The following NCAPD3 variants were observed in gnomAD, a reference collection of about 807,000 sequenced individuals.
The protein encoded by NCAPD3 is non-SMC condensin II complex subunit D3.
In NCAPD3, 105 loss-of-function variants were observed where a neutral mutation model predicts 182.9. The ratio of observed to expected loss-of-function variants is 0.57; its 90% CI spans 0.49 to 0.68. The LOEUF (loss-of-function observed/expected upper bound fraction) is 0.68. Among genes scored for constraint, NCAPD3 ranks in the 30% least tolerant of loss-of-function variants. NCAPD3 has a pLI of 0.00. For synonymous variants in NCAPD3, 815 were observed against 679.9 expected (o/e 1.20, Z -3.09); for missense variants, 1,944 against 1,837.0 (o/e 1.06, Z -1.07).
Position 134,209,041 on chromosome 11 carries a change from T to C in NCAPD3, c.795-90A>G. 9.6e-6 allele frequency: 14 copies of C among 1,452,062 alleles called. No individual in the cohort carries two copies. In the South Asian group the frequency reaches 1.2e-4, roughly 12 times the overall value. 89.9% of individuals were successfully genotyped at this position (1,452,062 alleles called of 1,614,324 possible). On this transcript the variant is annotated intron_variant, in intron 6 of 34. Transcript: ENST00000534548. ...ACAAGCCATGTTTAAATGAATAAATTCTACCTGTGTGCCAATTGGGATAAA... is the reference window on the plus strand; with the variant it reads ...ACAAGCCATGTTTAAATGAATAAATCCTACCTGTGTGCCAATTGGGATAAA...
chr11:134,168,606 T>A lies in NCAPD3; in HGVS notation c.3240-4A>T. On this transcript the variant is annotated splice_region_variant and splice_polypyrimidine_tract_variant and intron_variant, in intron 25 of 34. Transcript: ENST00000534548. ...CAATGAAAACAGCCGCTTCTCTCTG[T>A]GGCAGAACGGGACAAGTTCACTGCA... is the stretch of plus-strand genomic sequence containing the variant. The A allele has an allele frequency of 6.2e-7, 1 of 1,614,076 alleles. No homozygotes were observed.
chr11:134,167,786 G>A (rs1234584341), intron 27 of NCAPD3, among the ~76,000 whole-genome samples: 1 of 139,788 alleles, frequency 7.2e-6, no homozygotes, highest in East Asian at 2.3e-4. Context: ...GAGCTTGGGG[G>A]AGGTGCACAC....
At chr11:134,155,437 A>G (rs1237928993) in intron 32 of NCAPD3, among the ~76,000 whole-genome samples, 1 of 152,208 alleles carries the variant, frequency 6.6e-6, no homozygotes, top group Non-Finnish European at 1.5e-5. Context: ...AGAGAGACGG[A>G]CAGAGACTGC....
intron 1 of NCAPD3, among the ~76,000 whole-genome samples, chr11:134,222,098 T>C (rs1300886443): frequency 6.6e-6 from 1 of 152,244 alleles, no homozygotes; most frequent in Non-Finnish European, 1.5e-5. Context: ...ATCTACCATT[T>C]GGTCACAGAA....
chr11:134,164,044 G>A (rs1203032576), intron 27 of NCAPD3, among the ~76,000 whole-genome samples: 6 of 152,204 alleles, frequency 3.9e-5, no homozygotes, highest in African/African-American at 9.6e-5. Context: ...AGAGAAAACA[G>A]GCAGGATCTT....
chr11:134,153,347 G>A lies in NCAPD3; in HGVS notation c.4269C>T (p.Val1423=), dbSNP rs899256308. The change falls in exon 33 of 35, where the codon GTC becomes GTT. Residue 1423 remains valine, a synonymous_variant. Coordinates refer to ENST00000534548, the MANE Select transcript of NCAPD3 (RefSeq NM_015261.3). ...TGTAACTGACCCCTGCTCCAAACGT[G>A]ACATCACTGATGCTCTCTGCATAAA... ...ISTPEKSISD[V]TFGAGVSYIG... 6 of 1,614,010 alleles carry A rather than the reference G, an allele frequency of 3.7e-6. No homozygotes were observed. The highest frequency in any genetic ancestry group is 1.3e-5 in the African/African-American group (1 of 74,898).
intron 15 of NCAPD3, among the ~76,000 whole-genome samples, chr11:134,193,438 A>G (rs1240897274): frequency 1.3e-5 from 2 of 152,136 alleles, no homozygotes; most frequent in South Asian, 4.1e-4. Flanking sequence ...TTTAAATTTT[A>G]TTTTTCTGTG....
intron 13 of NCAPD3, among the ~76,000 whole-genome samples, chr11:134,198,010 A>G (rs1944673275): frequency 6.6e-6 from 1 of 152,204 alleles, no homozygotes; most frequent in South Asian, 2.1e-4. Context: ...TTTCAACATC[A>G]TTCCACAGAC....
chr11:134,161,465 C>A (rs1159581036), intron 28 of NCAPD3, among the ~76,000 whole-genome samples: 2 of 152,186 alleles, frequency 1.3e-5, no homozygotes, highest in Non-Finnish European at 2.9e-5. Context: ...CCCCAAGCAG[C>A]ATGAACGAAG....
Position 134,178,863 on chromosome 11 carries a change from A to G in NCAPD3, c.2633T>C (p.Leu878Pro). ...PARVEKRIFL[L>P]IQSVLASSAD... ...AGACGAAGCCAGGACGGACTGAATC[A>G]GAAGGAAGATGCGCTTCTCCACCCT... The change falls in exon 21 of 35, where the codon CTG becomes CCG. Residue 878 changes from leucine (L) to proline (P), a missense_variant. Leu to Pro is a moderately conservative substitution (Grantham distance 98). This residue lies in a region of NCAPD3 where 1,803 missense variants were observed against 1,674.6 expected (regional missense o/e 1.08). Coordinates refer to ENST00000534548, the MANE Select transcript of NCAPD3 (RefSeq NM_015261.3). 6.2e-7 allele frequency: 1 copy of G among 1,614,210 alleles called. No homozygotes were observed. Among genetic ancestry groups the G allele is most frequent in the Non-Finnish European group, 8.5e-7 (1 of 1,180,032 alleles).
intron 13 of NCAPD3, among the ~76,000 whole-genome samples, chr11:134,196,974 C>T (rs1326551461): frequency 1.3e-5 from 2 of 152,158 alleles, no homozygotes; most frequent in Non-Finnish European, 2.9e-5. Flanking sequence ...GGAGGCGGGG[C>T]CTGGTAGGGG....
chr11:134,216,882 T>C (rs978656789), intron 3 of NCAPD3, 54 bp downstream of exon 3: 11 of 1,513,478 alleles, frequency 7.3e-6, no homozygotes, highest in Non-Finnish European at 9.8e-6. Context: ...AATTGAAAAC[T>C]GTAGAAAGAA....
At chr11:134,168,347 C>A in intron 26 of NCAPD3, 122 bp downstream of exon 26, 1 of 1,512,542 alleles carries the variant, frequency 6.6e-7, no homozygotes, top group Non-Finnish European at 9.1e-7. Flanking sequence ...CAGAGAAGGA[C>A]AAGATGACAG....
chr11:134,164,847 G>A (rs760765263), intron 27 of NCAPD3, among the ~76,000 whole-genome samples: 1 of 141,710 alleles, frequency 7.1e-6, no homozygotes, highest in African/African-American at 2.7e-5. Context: ...GAACACTCAC[G>A]TGTGACATGA....
chr11:134,185,906 CTT>C (rs34931150), intron 16 of NCAPD3: 15 of 138,298 alleles, frequency 1.1e-4, no homozygotes, highest in South Asian at 2.3e-4. Flanking sequence ...TAACATTGTC[CTT>C]TTTTTTTTTT....
chr11:134,214,632 A>C (rs1937951962), intron 3 of NCAPD3, among the ~76,000 whole-genome samples: 1 of 152,172 alleles, frequency 6.6e-6, no homozygotes, highest in African/African-American at 2.4e-5. Context: ...GGGCCCTCCA[A>C]AATGAACAGT....
rs1943489302 is a variant in NCAPD3, at chr11:134,158,465, G to T, written c.3898C>A (p.Pro1300Thr). The T allele has an allele frequency of 1.9e-6, 3 of 1,613,960 alleles. No individual in the cohort carries two copies. Among genetic ancestry groups the T allele is most frequent in the Non-Finnish European group, 2.5e-6 (3 of 1,180,034 alleles). ...ATGGCAGGGTTTTCTTGGCCAGCAG[G>T]AACTGGCACTGTTTCTAAACACAGG... ...VALCLETVPV[P>T]AGQENPAMSP... Residue 1300 changes from proline to threonine, a missense_variant, in exon 30 of 35, where the codon CCT becomes ACT. This residue lies in a region of NCAPD3 where 1,803 missense variants were observed against 1,674.6 expected (regional missense o/e 1.08). Coordinates refer to ENST00000534548, the MANE Select transcript of NCAPD3 (RefSeq NM_015261.3).
intron 3 of NCAPD3, among the ~76,000 whole-genome samples, chr11:134,211,068 T>C (rs555017424): frequency 1.3e-5 from 2 of 152,298 alleles, no homozygotes; most frequent in South Asian, 4.1e-4. Flanking sequence ...GATGAATTAT[T>C]TTCACAACTC....
chr11:134,225,402 G>A, upstream of NCAPD3: 1 of 1,560,362 alleles, frequency 6.4e-7, no homozygotes, highest in Non-Finnish European at 8.8e-7. Context: ...GGGGAGCAGG[G>A]TGATTCAGGG....
Sources: allele counts gnomAD v4.1 joint callset (sites outside exome capture counted in the v4.1 genomes callset), GRCh38; gene constraint gnomAD v4.1.1; regional missense constraint gnomAD v4.1.1; transcripts MANE v1.5; gene names NCBI Gene and HGNC (gene_info 2026-07-23, HGNC 2026-07-21).